FGD6: variants seen among roughly 807,000 people sequenced by gnomAD.
FGD6 encodes FYVE, RhoGEF and PH domain containing 6, also known as FYVE, RhoGEF and PH domain-containing protein 6.
In FGD6, 90 loss-of-function variants were observed where a neutral mutation model predicts 149.4. The ratio of observed to expected loss-of-function variants is 0.60; its 90% CI spans 0.51 to 0.72. The LOEUF (loss-of-function observed/expected upper bound fraction) is 0.72. FGD6 is among the 30% of genes least tolerant of loss of function. The probability of loss-of-function intolerance (pLI) is 0.00; values close to 1 mark genes in which losing one functional copy is unlikely to be tolerated. For missense variants in FGD6, 1,437 were observed against 1,684.8 expected (o/e 0.85, Z 2.57); for synonymous variants, 527 against 584.0 (o/e 0.90, Z 1.41).
In FGD6 at chr12:95,106,322, G is replaced by C. The variant is rs181459479; in HGVS notation, c.3417+632C>G. Among the ~76,000 whole-genome samples the C allele has an allele frequency of 2.0e-5, 3 of 150,132 alleles. No homozygotes were observed. The East Asian group carries it at 6.0e-4, about 30-fold the overall frequency. ...GTCTCACTCTGTTGCTCCAGCTGGA[G>C]TGTAGTCGCGCGAGCTCAGCTCACT... On this transcript the variant is annotated intron_variant, in intron 13 of 20. Transcript: ENST00000343958.
intron 3 of FGD6, among the ~76,000 whole-genome samples, chr12:95,166,357 T>C (rs1032984446): frequency 1.3e-5 from 2 of 152,242 alleles, no homozygotes; most frequent in Non-Finnish European, 2.9e-5. Flanking sequence ...GTTTATTTTA[T>C]AACAGCTTTG....
At chr12:95,125,173 T>C (rs915307495) in intron 8 of FGD6, among the ~76,000 whole-genome samples, 12 of 152,086 alleles carry the variant, frequency 7.9e-5, no homozygotes, top group Non-Finnish European at 1.8e-4. Flanking sequence ...CACAAAAAAA[T>C]TTAAGAACTC....
At chr12:95,115,433 G>C (rs1176969116) in intron 8 of FGD6, among the ~76,000 whole-genome samples, 3 of 137,002 alleles carry the variant, frequency 2.2e-5, no homozygotes, top group Non-Finnish European at 4.6e-5. Flanking sequence ...GCAGGGTCTC[G>C]CTTTATTGCC....
Position 95,209,737 on chromosome 12 carries a change from T to G in FGD6, c.1547A>C (p.Glu516Ala). 6.2e-7 allele frequency: 1 copy of G among 1,614,140 alleles called. No homozygotes were observed. The highest frequency in any genetic ancestry group is 8.5e-7 in the Non-Finnish European group (1 of 1,180,022). The change falls in exon 2 of 21, where the codon GAG becomes GCG. Residue 516 changes from glutamate to alanine, a missense_variant. Around this residue, in one of 2 missense-constraint regions of FGD6, gnomAD observed 1,055 missense variants for 1,146.0 expected, o/e 0.92. Transcript: ENST00000343958. The part of the protein sequence containing the change: ...ATGVLKKAAS[E>A]ELLEKSSYPS... Reference sequence around the variant, plus strand: ...ATAAGAACTTTTTTCCAAAAGCTCCTCGGAGGCAGCCTTTTTAAGCACTCC... The same window carrying G: ...ATAAGAACTTTTTTCCAAAAGCTCCGCGGAGGCAGCCTTTTTAAGCACTCC...
intron 17 of FGD6, among the ~76,000 whole-genome samples, chr12:95,090,560 T>C (rs976788702): frequency 1.6e-4 from 24 of 152,168 alleles, no homozygotes; most frequent in Non-Finnish European, 1.0e-4. Flanking sequence ...CAAATGGGTA[T>C]AGGTGATGAG....
At chr12:95,132,824 C>T (rs1879563930) in intron 8 of FGD6, among the ~76,000 whole-genome samples, 1 of 152,106 alleles carries the variant, frequency 6.6e-6, no homozygotes, top group Non-Finnish European at 1.5e-5. Context: ...ACTAAATTTT[C>T]AGATTCTTGT....
intron 2 of FGD6, among the ~76,000 whole-genome samples, chr12:95,182,927 G>A (rs1881326026): frequency 6.6e-6 from 1 of 152,202 alleles, no homozygotes; most frequent in African/African-American, 2.4e-5. Context: ...GGTGTCAGCT[G>A]TACACACCCC....
At chr12:95,118,359 AAAAG>A (rs1351354220) in intron 8 of FGD6, among the ~76,000 whole-genome samples, 20 of 149,360 alleles carry the variant, frequency 1.3e-4, no homozygotes, top group African/African-American at 2.3e-4. Flanking sequence ...AAAAAAAAAA[AAAAG>A]AAAGAGAGAG....
At chr12:95,153,419 T>C (rs1880367407) in intron 3 of FGD6, among the ~76,000 whole-genome samples, 1 of 152,210 alleles carries the variant, frequency 6.6e-6, no homozygotes, top group South Asian at 2.1e-4. Flanking sequence ...CCCAACACTT[T>C]GGGAGGCCGA....
rs77727695 is a variant in FGD6 at position 95,081,444 on chromosome 12, A to G, written c.*76T>C. The G allele has an allele frequency of 4.8e-3, 6,328 of 1,305,474 alleles. 345 individuals carry two copies. The East Asian group carries it at 0.13, about 28-fold the overall frequency. The allele number at this position is 1,305,474 out of a possible 1,614,324, so 80.9% of individuals were successfully genotyped here. A position where few individuals can be genotyped will look rare whatever the true frequency, so the allele number is the denominator to read the frequency against. On this transcript the variant is annotated 3_prime_UTR_variant, in exon 21 of 21. Coordinates refer to ENST00000343958, the MANE Select transcript of FGD6 (RefSeq NM_018351.4). The stretch of plus-strand genomic sequence containing the variant: ...TCTTGGCAGTGTTCATTTTTATACA[A>G]TTTTTGAATTGCATTTACTCCATTC...
At chr12:95,090,443 A>G (rs1878016320) in intron 17 of FGD6, among the ~76,000 whole-genome samples, 1 of 152,204 alleles carries the variant, frequency 6.6e-6, no homozygotes, top group Non-Finnish European at 1.5e-5. Flanking sequence ...ACTTGTTAGG[A>G]AATTATTATA....
At chr12:95,161,810 A>G (rs929279381) in intron 3 of FGD6, among the ~76,000 whole-genome samples, 1 of 152,176 alleles carries the variant, frequency 6.6e-6, no homozygotes, top group African/African-American at 2.4e-5. Context: ...AAAGTTAATA[A>G]GAAAAAACTG....
At chr12:95,193,904 C>T (rs1166912713) in intron 2 of FGD6, among the ~76,000 whole-genome samples, 10 of 151,678 alleles carry the variant, frequency 6.6e-5, no homozygotes, top group Non-Finnish European at 1.3e-4. Flanking sequence ...TATTTTGTTA[C>T]ATTTTATTTT....
intron 8 of FGD6, among the ~76,000 whole-genome samples, chr12:95,122,645 C>A (rs1352600676): frequency 3.7e-3 from 237 of 64,324 alleles, no homozygotes; most frequent in South Asian, 5.7e-3. Flanking sequence ...GACTCAGTCT[C>A]AAAAAAAAAA....
intron 2 of FGD6, among the ~76,000 whole-genome samples, chr12:95,174,354 G>A (rs941780403): frequency 1.3e-5 from 2 of 152,110 alleles, no homozygotes; most frequent in Non-Finnish European, 2.9e-5. Flanking sequence ...TGTTTTTATC[G>A]TAATTCCTTA....
At chr12:95,207,510 G>A (rs906844025) in intron 2 of FGD6, among the ~76,000 whole-genome samples, 1 of 152,184 alleles carries the variant, frequency 6.6e-6, no homozygotes, top group South Asian at 2.1e-4. Flanking sequence ...AAGGGTCCAT[G>A]TGCTTTTTTG....
chr12:95,211,246 G>C lies in FGD6; in HGVS notation c.38C>G (p.Ala13Gly), dbSNP rs1041063104. Residue 13 changes from alanine (A) to glycine (G), a missense_variant, in exon 2 of 21, where the codon GCC (alanine) becomes GGC (glycine). Physicochemically the swap from Ala to Gly is moderately conservative, Grantham distance 60. Coordinates refer to ENST00000343958, the MANE Select transcript of FGD6 (RefSeq NM_018351.4). ...TGCCACAACAAACTTGGGCTTGGGG[G>C]CCACTGGTGGCTTCTTTATCTCTAG... Reference protein sequence around the residue: ...SAAEIKKPPVAPKPKFVVANN... With the variant: ...SAAEIKKPPVGPKPKFVVANN... 12 of 1,582,316 alleles carry C rather than the reference G, an allele frequency of 7.6e-6. No individual in the cohort carries two copies. The highest frequency in any genetic ancestry group is 1.0e-5 in the Non-Finnish European group (12 of 1,170,210).
chr12:95,080,525 AAATG>A lies in FGD6; in HGVS notation c.*991_*994del, dbSNP rs1877640221. 1.3e-5 allele frequency: 2 copies of A among 152,130 alleles called. No individual in the cohort carries two copies. Among genetic ancestry groups the A allele is most frequent in the Admixed American group, 1.3e-4 (2 of 15,272 alleles). The allele number at this position is 152,130 out of a possible 1,614,324, so 9.4% of individuals were successfully genotyped here. On this transcript the variant is annotated 3_prime_UTR_variant, in exon 21 of 21. Coordinates refer to ENST00000343958, the MANE Select transcript of FGD6 (RefSeq NM_018351.4). Reference sequence around the variant, plus strand: ...AAACTGGCAGAAAAAGACCTTTTGAAAATGAATACTATAGAATTTCAGTTATTAC... The same window carrying A: ...AAACTGGCAGAAAAAGACCTTTTGAAAATACTATAGAATTTCAGTTATTAC...
chr12:95,170,286 G>T (rs1158473885), intron 3 of FGD6, among the ~76,000 whole-genome samples: 1 of 152,096 alleles, frequency 6.6e-6, no homozygotes, highest in Non-Finnish European at 1.5e-5. Context: ...TTCATAGCTT[G>T]TAACACTCTG....
Sources: allele counts gnomAD v4.1 joint callset (sites outside exome capture counted in the v4.1 genomes callset), GRCh38; gene constraint gnomAD v4.1.1; regional missense constraint gnomAD v4.1.1; transcripts MANE v1.5; gene names NCBI Gene and HGNC (gene_info 2026-07-23, HGNC 2026-07-21).